The following TMEM132B variants were observed in gnomAD, a reference collection of about 807,000 sequenced individuals.
TMEM132B encodes the protein transmembrane protein 132B.
In TMEM132B, 18 loss-of-function variants were observed where a neutral mutation model predicts 90.8. The ratio of observed to expected loss-of-function variants is 0.20; its 90% CI spans 0.14 to 0.29. TMEM132B has a LOEUF of 0.29. Among genes scored for constraint, TMEM132B ranks in the 10% least tolerant of loss-of-function variants. TMEM132B has a pLI of 1.00. For synonymous variants in TMEM132B, 504 were observed against 523.3 expected, an observed-to-expected ratio of 0.96 and a Z score of 0.50; for missense variants, 1,096 against 1,326.8, an observed-to-expected ratio of 0.83 and a Z score of 2.70.
chr12:125,578,701 AG>A (rs1468345487), intron 4 of TMEM132B, among the ~76,000 whole-genome samples: 1 of 152,188 alleles, frequency 6.6e-6, no homozygotes, highest in Non-Finnish European at 1.5e-5. Context: ...TTTGAAAGAC[AG>A]GTTTTCTGGA....
intron 3 of TMEM132B, among the ~76,000 whole-genome samples, chr12:125,518,207 A>T (rs1050799131): frequency 1.3e-5 from 2 of 152,290 alleles, no homozygotes; most frequent in African/African-American, 4.8e-5. Context: ...ATATACAAGG[A>T]AGCAGATGTG....
In TMEM132B at chr12:125,406,271, G is replaced by A. The variant is rs1186913225; in HGVS notation, c.960-9260G>A. 6.6e-6 allele frequency among the ~76,000 whole-genome samples: 1 copy of A among 152,168 alleles called. No homozygotes were observed. The highest frequency in any genetic ancestry group is 1.5e-5 in the Non-Finnish European group (1 of 68,040). On this transcript the variant is annotated intron_variant, in intron 2 of 8. Coordinates refer to ENST00000682704, the MANE Select transcript of TMEM132B (RefSeq NM_001366854.1). This position sits in a 1 kb window ranked among gnomAD's most constrained non-coding sequence, Gnocchi z 8.3. The stretch of plus-strand genomic sequence containing the variant: ...CCACACAATTTGCCTGTCTAGTGAT[G>A]CTCATCAAGTTTCCTCATGTGGAAA...
chr12:125,608,378 GA>G (rs1238898158), intron 5 of TMEM132B, among the ~76,000 whole-genome samples: 2 of 152,088 alleles, frequency 1.3e-5, no homozygotes, highest in Non-Finnish European at 2.9e-5. Flanking sequence ...ATATAACTTG[GA>G]AAAATGTCTA....
chr12:125,221,894 G>A (rs1873567316), intron 1 of TMEM132B, among the ~76,000 whole-genome samples: 1 of 152,208 alleles, frequency 6.6e-6, no homozygotes, highest in Non-Finnish European at 1.5e-5. Flanking sequence ...TTTGTGGGCT[G>A]GAGCCCAACT....
chr12:125,570,449 A>G (rs1288946604), intron 4 of TMEM132B, among the ~76,000 whole-genome samples: 1 of 152,200 alleles, frequency 6.6e-6, no homozygotes, highest in African/African-American at 2.4e-5. Context: ...CTCATCCCCA[A>G]CAGCCTTTGC....
At chr12:125,401,170 T>C (rs991651539) in intron 2 of TMEM132B, among the ~76,000 whole-genome samples, 4 of 152,232 alleles carry the variant, frequency 2.6e-5, no homozygotes, top group African/African-American at 9.6e-5. Context: ...AAGTCTCATA[T>C]TCGTGGGACA....
At chr12:125,260,240 T>G (rs545132255) in intron 1 of TMEM132B, among the ~76,000 whole-genome samples, 1 of 152,370 alleles carries the variant, frequency 6.6e-6, no homozygotes, top group South Asian at 2.1e-4. Flanking sequence ...CTTGCAGTTT[T>G]GGCAAAATGA....
rs1480767117 is a variant in TMEM132B, at chr12:125,459,023, T to C, written c.1106+43346T>C. On this transcript the variant is annotated intron_variant, in intron 3 of 8. Transcript: ENST00000682704. The surrounding 1 kb of genome is among the most constrained non-coding windows in gnomAD (Gnocchi z 4.1). Reference sequence around the variant, plus strand: ...GTGGTCCCCCCATGTGCAATTAGCATCTTCGGGTGACATCACCATTTGTCC... The same window carrying C: ...GTGGTCCCCCCATGTGCAATTAGCACCTTCGGGTGACATCACCATTTGTCC... Among the ~76,000 whole-genome samples the C allele has an allele frequency of 6.6e-6, 1 of 152,232 alleles. No individual in the cohort carries two copies. Among genetic ancestry groups the C allele is most frequent in the Non-Finnish European group, 1.5e-5 (1 of 68,034 alleles).
chr12:125,412,601 G>A (rs1879883828), intron 2 of TMEM132B, among the ~76,000 whole-genome samples: 1 of 152,196 alleles, frequency 6.6e-6, no homozygotes, highest in Non-Finnish European at 1.5e-5. Context: ...TCATCTGGAT[G>A]TTGAGAACAA....
chr12:125,637,292 A>G (rs1263744335), intron 5 of TMEM132B, among the ~76,000 whole-genome samples: 1 of 152,228 alleles, frequency 6.6e-6, no homozygotes, highest in Non-Finnish European at 1.5e-5. Flanking sequence ...AGCGGGGATC[A>G]GAGGATACTC....
In TMEM132B at chr12:125,186,489, CGCGGCGGCG is replaced by C. The variant is rs1235218002; in HGVS notation, c.-300_-292del. On this transcript the variant is annotated 5_prime_UTR_variant, in exon 1 of 9. Coordinates refer to ENST00000682704, the MANE Select transcript of TMEM132B (RefSeq NM_001366854.1). The surrounding 1 kb of genome is among the most constrained non-coding windows in gnomAD (Gnocchi z 6.3). ...GGGACGGGCGCTGGGGCGCAGGAGC[CGCGGCGGCG>C]GCGGCGGCGGGGGCCGCGCAACTCG... Among the ~76,000 whole-genome samples, 7 of 145,912 alleles carry C rather than the reference CGCGGCGGCG, an allele frequency of 4.8e-5. No homozygotes were observed. The highest frequency in any genetic ancestry group is 1.7e-4 in the African/African-American group (7 of 40,782).
At chr12:125,450,915 G>A (rs1389363104) in intron 3 of TMEM132B, among the ~76,000 whole-genome samples, 1 of 152,076 alleles carries the variant, frequency 6.6e-6, no homozygotes, top group Non-Finnish European at 1.5e-5. Flanking sequence ...GATTTAACTG[G>A]ATTGAATCAT....
chr12:125,645,258 TC>T (rs1886734419), intron 6 of TMEM132B, among the ~76,000 whole-genome samples: 1 of 145,142 alleles, frequency 6.9e-6, no homozygotes, highest in Non-Finnish European at 1.5e-5. Flanking sequence ...CTCCCCATGA[TC>T]CCCATCTCCT....
intron 1 of TMEM132B, among the ~76,000 whole-genome samples, chr12:125,309,791 T>G (rs192541450): frequency 6.6e-6 from 1 of 152,334 alleles, no homozygotes; most frequent in East Asian, 1.9e-4. Context: ...CCCCAAGACC[T>G]GGTGACTTAA....
At chr12:125,567,326 T>A (rs1884682924) in intron 4 of TMEM132B, among the ~76,000 whole-genome samples, 1 of 152,036 alleles carries the variant, frequency 6.6e-6, no homozygotes, top group Non-Finnish European at 1.5e-5. Flanking sequence ...AATGTCTCTA[T>A]CTGTATATCT....
chr12:125,337,011 T>C (rs1035528331), intron 1 of TMEM132B, among the ~76,000 whole-genome samples: 13 of 152,058 alleles, frequency 8.5e-5, no homozygotes, highest in Non-Finnish European at 4.4e-5. Context: ...CTATAGGAGG[T>C]CAAAATTACT....
intron 3 of TMEM132B, among the ~76,000 whole-genome samples, chr12:125,429,330 G>A (rs942234526): frequency 1.3e-5 from 2 of 151,328 alleles, no homozygotes; most frequent in Non-Finnish European, 1.5e-5. Context: ...TTCCTAAGTC[G>A]CTGGGACTAC....
intron 1 of TMEM132B, among the ~76,000 whole-genome samples, chr12:125,190,532 G>GTGGTGA (rs370871067): frequency 7.6e-6 from 1 of 132,396 alleles, no homozygotes; most frequent in African/African-American, 3.1e-5. Flanking sequence ...TGGGGAAGGG[G>GTGGTGA]TGGTGATGGT....
chr12:125,281,253 G>A (rs1276903231), intron 1 of TMEM132B, among the ~76,000 whole-genome samples: 2 of 152,060 alleles, frequency 1.3e-5, no homozygotes, highest in East Asian at 3.8e-4. Context: ...AGGCAGGGAA[G>A]CCCGGGGACT....
Sources: gnomAD v4.1 joint callset for allele counts (sites outside exome capture counted in the v4.1 genomes callset) on GRCh38, gnomAD v4.1.1 for gene constraint, Gnocchi (gnomAD v3.1) non-coding constraint, MANE v1.5 for transcripts, NCBI Gene and HGNC (gene_info 2026-07-23, HGNC 2026-07-21) for gene names.